STARD13: variants seen among roughly 807,000 people sequenced by gnomAD.
The protein encoded by STARD13 is stAR-related lipid transfer protein 13.
STARD13 carries 62 observed loss-of-function variants against 106.4 expected under a neutral mutation model. The ratio of observed to expected loss-of-function variants is 0.58; its 90% CI spans 0.48 to 0.72. The LOEUF (loss-of-function observed/expected upper bound fraction) is 0.72, where lower values mean the gene tolerates loss of function less well. Among genes scored for constraint, STARD13 ranks in the 30% least tolerant of loss-of-function variants. STARD13 has a pLI of 0.00. For synonymous variants in STARD13, 565 were observed against 553.0 expected, an observed-to-expected ratio of 1.02 and a Z score of -0.31; for missense variants, 1,387 against 1,424.0, an observed-to-expected ratio of 0.97 and a Z score of 0.42.
chr13:33,541,724 T>C, the STARD13 span, among the ~76,000 whole-genome samples: 86 of 152,336 alleles, frequency 5.6e-4, 1 homozygote, highest in African/African-American at 1.9e-3. Context: ...CAGATAAAAG[T>C]GTTTACCAAG....
At chr13:33,539,630 A>T in the STARD13 span, among the ~76,000 whole-genome samples, 2 of 152,228 alleles carry the variant, frequency 1.3e-5, no homozygotes, top group African/African-American at 4.8e-5. Context: ...ATGAAGGATA[A>T]TCTTTTTAAC....
At chr13:33,494,442 T>G in the STARD13 span, among the ~76,000 whole-genome samples, 1 of 152,148 alleles carries the variant, frequency 6.6e-6, no homozygotes, top group African/African-American at 2.4e-5. Flanking sequence ...AAATATTTGT[T>G]GATTCGAATG....
chr13:33,222,152 A>C (rs1888394323), intron 1 of STARD13, among the ~76,000 whole-genome samples: 1 of 152,144 alleles, frequency 6.6e-6, no homozygotes, highest in Admixed American at 6.5e-5. Flanking sequence ...CATCTCAAAA[A>C]AAAAAGGGGC....
chr13:33,464,960 G>C, the STARD13 span, among the ~76,000 whole-genome samples: 1 of 152,050 alleles, frequency 6.6e-6, no homozygotes, highest in Non-Finnish European at 1.5e-5. Context: ...AAAACCTTAG[G>C]TTTTTCCCAT....
the STARD13 span, among the ~76,000 whole-genome samples, chr13:33,514,322 G>A: frequency 1.3e-5 from 2 of 152,106 alleles, no homozygotes; most frequent in Admixed American, 1.3e-4. Context: ...GGAGGAGCAG[G>A]GTAGGCCCAG....
At chr13:33,198,128 A>G (rs1030293017) in intron 1 of STARD13, among the ~76,000 whole-genome samples, 1 of 152,244 alleles carries the variant, frequency 6.6e-6, no homozygotes, top group Non-Finnish European at 1.5e-5. Context: ...AGATCACGCC[A>G]CTGCACTCCG....
the STARD13 span, among the ~76,000 whole-genome samples, chr13:33,555,503 AT>A: frequency 6.6e-6 from 1 of 152,216 alleles, no homozygotes; most frequent in African/African-American, 2.4e-5. Flanking sequence ...TTTATTATAA[AT>A]TTCAATACCC....
intron 1 of STARD13, among the ~76,000 whole-genome samples, chr13:33,304,402 T>C (rs1892828606): frequency 6.6e-6 from 1 of 152,204 alleles, no homozygotes; most frequent in South Asian, 2.1e-4. Flanking sequence ...GTTTTAGTGC[T>C]TTACATTAAT....
chr13:33,497,222 T>C, the STARD13 span, among the ~76,000 whole-genome samples: 3 of 152,154 alleles, frequency 2.0e-5, no homozygotes, highest in African/African-American at 7.2e-5. Flanking sequence ...CATGTGCAAA[T>C]GTATGTTGTT....
chr13:33,145,339 G>A (rs919544432), intron 3 of STARD13, among the ~76,000 whole-genome samples: 2 of 152,092 alleles, frequency 1.3e-5, no homozygotes, highest in East Asian at 1.9e-4. Context: ...AAGTAAAAAC[G>A]CTGACAACAT....
intron 1 of STARD13, among the ~76,000 whole-genome samples, chr13:33,265,978 G>C (rs190375699): frequency 6.6e-6 from 1 of 152,282 alleles, no homozygotes; most frequent in Non-Finnish European, 1.5e-5. Context: ...ATCCCGAAAA[G>C]TTATGGAGCT....
chr13:33,272,566 G>C (rs987629635), intron 1 of STARD13: 18 of 152,172 alleles, frequency 1.2e-4, no homozygotes, highest in Admixed American at 3.3e-4. Flanking sequence ...CAAACCCTGA[G>C]TCTTTTCATG....
chr13:33,622,343 GAAT>G, the STARD13 span, among the ~76,000 whole-genome samples: 1 of 151,936 alleles, frequency 6.6e-6, no homozygotes, highest in Non-Finnish European at 1.5e-5. Context: ...CGTGTAAAAA[GAAT>G]AATAAGTTGA....
the STARD13 span, among the ~76,000 whole-genome samples, chr13:33,490,292 A>T: frequency 6.6e-6 from 1 of 152,322 alleles, no homozygotes; most frequent in Non-Finnish European, 1.5e-5. Flanking sequence ...AGAAGAAGGC[A>T]GTTCCCCGGC....
chr13:33,197,852 A>T (rs543067047), intron 1 of STARD13, among the ~76,000 whole-genome samples: 62 of 152,258 alleles, frequency 4.1e-4, no homozygotes, highest in African/African-American at 1.5e-3. Flanking sequence ...CTCTTCCTTG[A>T]TGAGGTCACC....
the STARD13 span, among the ~76,000 whole-genome samples, chr13:33,539,916 T>C: frequency 6.6e-6 from 1 of 152,220 alleles, no homozygotes; most frequent in Non-Finnish European, 1.5e-5. Context: ...ATTCACAACA[T>C]ATACTTCTGA....
At chr13:33,436,129 C>T in the STARD13 span, among the ~76,000 whole-genome samples, 4 of 152,086 alleles carry the variant, frequency 2.6e-5, no homozygotes, top group South Asian at 4.2e-4. Context: ...TAGCTATGTC[C>T]GTGAAGCGTC....
intron 1 of STARD13, among the ~76,000 whole-genome samples, chr13:33,172,952 TAAGAG>T (rs2138403015): frequency 6.6e-6 from 1 of 152,302 alleles, no homozygotes; most frequent in South Asian, 2.1e-4. Flanking sequence ...TAAAAGTACT[TAAGAG>T]AAGTAAGGAA....
the STARD13 span, among the ~76,000 whole-genome samples, chr13:33,390,996 T>C: frequency 6.6e-6 from 1 of 152,196 alleles, no homozygotes; most frequent in African/African-American, 2.4e-5. Flanking sequence ...ACAATTCAGC[T>C]GGTTGCTTCT....
Sources: allele counts gnomAD v4.1 joint callset (sites outside exome capture counted in the v4.1 genomes callset), GRCh38; gene constraint gnomAD v4.1.1; transcripts MANE v1.5; gene names NCBI Gene and HGNC (gene_info 2026-07-23, HGNC 2026-07-21).